PSMD11: variants seen among roughly 807,000 people sequenced by gnomAD.
PSMD11 encodes the protein 26S proteasome non-ATPase regulatory subunit 11.
Under a neutral mutation model 62.3 loss-of-function variants are expected in PSMD11, and 5 were observed. The observed-to-expected ratio is 0.08, with a 90% CI of 0.04 to 0.17. The LOEUF (loss-of-function observed/expected upper bound fraction) is 0.17. Ranked by LOEUF, PSMD11 falls within the 10% of genes least tolerant of loss-of-function variation. The pLI is 1.00. For missense variants in PSMD11, 310 were observed against 512.9 expected, an observed-to-expected ratio of 0.60 and a Z score of 3.82; for synonymous variants, 191 against 191.8, an observed-to-expected ratio of 1.00 and a Z score of 0.03.
intron 8 of PSMD11, among the ~76,000 whole-genome samples, chr17:32,475,852 A>G (rs997795914): frequency 6.6e-6 from 1 of 151,288 alleles, no homozygotes; most frequent in African/African-American, 2.4e-5. Flanking sequence ...CTCAACCTCC[A>G]AAAGTGCTGG....
intron 6 of PSMD11, among the ~76,000 whole-genome samples, 191 bp from the exon 7 acceptor site, chr17:32,473,609 CT>C (rs2150838530): frequency 6.7e-6 from 1 of 150,118 alleles, no homozygotes; most frequent in Admixed American, 6.6e-5. Flanking sequence ...GAGATGGGGT[CT>C]TACTATGTTA....
chr17:32,454,299 A>G (rs1012163124), intron 2 of PSMD11, among the ~76,000 whole-genome samples, 196 bp from the exon 3 acceptor site: 3 of 152,196 alleles, frequency 2.0e-5, no homozygotes, highest in Admixed American at 6.5e-5. Context: ...ACAGAATGCA[A>G]ATTTGGTATA....
chr17:32,448,363 T>G (rs981977555), intron 2 of PSMD11, among the ~76,000 whole-genome samples: 20 of 151,988 alleles, frequency 1.3e-4, no homozygotes, highest in African/African-American at 4.6e-4. Flanking sequence ...AACTTTTTTT[T>G]TTTTAATTAT....
chr17:32,476,302 C>G (rs1288817593), intron 8 of PSMD11, among the ~76,000 whole-genome samples: 1 of 152,116 alleles, frequency 6.6e-6, no homozygotes. Flanking sequence ...ACTACTCTCA[C>G]TATAACTAGA....
chr17:32,451,380 G>A (rs1452813273), intron 2 of PSMD11, among the ~76,000 whole-genome samples: 1 of 152,172 alleles, frequency 6.6e-6, no homozygotes, highest in Non-Finnish European at 1.5e-5. Flanking sequence ...AGAGCAGATA[G>A]TCTCTGTAAA....
intron 2 of PSMD11, among the ~76,000 whole-genome samples, chr17:32,447,885 C>CTT (rs755811348): frequency 4.3e-5 from 6 of 141,100 alleles, no homozygotes; most frequent in African/African-American, 1.3e-4. Context: ...TTTTCTTTTT[C>CTT]TTTTTTTTTT....
intron 3 of PSMD11, among the ~76,000 whole-genome samples, chr17:32,460,931 G>A (rs1271804124): frequency 6.6e-6 from 1 of 152,032 alleles, no homozygotes; most frequent in East Asian, 1.9e-4. Flanking sequence ...GCAAGGGCTG[G>A]GGAGTGGAAA....
intron 1 of PSMD11, among the ~76,000 whole-genome samples, chr17:32,446,202 A>G (rs759694493): frequency 1.8e-4 from 27 of 152,230 alleles, no homozygotes; most frequent in Non-Finnish European, 3.5e-4. Context: ...TTGTCAAGTC[A>G]TGATGCTTTG....
chr17:32,472,332 C>T (rs1908188074), intron 6 of PSMD11, among the ~76,000 whole-genome samples: 1 of 151,648 alleles, frequency 6.6e-6, no homozygotes, highest in African/African-American at 2.4e-5. Context: ...AAGTGATTCT[C>T]CTGCCTCAGC....
In PSMD11 at chr17:32,457,084, C is replaced by T. The variant is rs552924609; in HGVS notation, c.318+2465C>T. 2.6e-5 allele frequency among the ~76,000 whole-genome samples: 4 copies of T among 152,266 alleles called. No homozygotes were observed. The East Asian group carries it at 5.8e-4, about 22-fold the overall frequency. ...TCATATGGCTCCCTGACTGGTTAGG[C>T]GCTCCCTTAACTGTGGTTATATGTT... On this transcript the variant is annotated intron_variant, in intron 3 of 13. Coordinates refer to ENST00000261712, the MANE Select transcript of PSMD11 (RefSeq NM_002815.4).
chr17:32,479,234 A>C lies in PSMD11; in HGVS notation c.913-17A>C. On this transcript the variant is annotated splice_polypyrimidine_tract_variant and intron_variant, in intron 9 of 13. Coordinates refer to ENST00000261712, the MANE Select transcript of PSMD11 (RefSeq NM_002815.4). ...GTGATTCTCTGTGCCAATCTCTGCA[A>C]CTGGTTCCTTTGGCAGGCTCTGACA... The C allele has an allele frequency of 6.2e-7, 1 of 1,613,284 alleles. No individual in the cohort carries two copies. The highest frequency in any genetic ancestry group is 8.5e-7 in the Non-Finnish European group (1 of 1,179,528).
rs116022436 is a variant in PSMD11 at position 32,474,215 on chromosome 17, A to C, written c.788+270A>C. On this transcript the variant is annotated intron_variant, in intron 7 of 13. Transcript: ENST00000261712. Reference sequence around the variant, plus strand: ...CTCATCCTTTAAATATTCTGTCCTCATAGGTGCAGAGCACAGGACAGAGGG... The same window carrying C: ...CTCATCCTTTAAATATTCTGTCCTCCTAGGTGCAGAGCACAGGACAGAGGG... 559 of 501,356 alleles carry C rather than the reference A, an allele frequency of 1.1e-3. 4 individuals are homozygous for C. The highest frequency in any genetic ancestry group is 9.0e-3 in the African/African-American group (469 of 51,844). 31.1% of individuals were successfully genotyped at this position (501,356 alleles called of 1,614,324 possible). A position where few individuals can be genotyped will look rare whatever the true frequency, so the allele number is the denominator to read the frequency against.
At chr17:32,468,978 G>C in intron 5 of PSMD11, 21 bp from the exon 6 acceptor site, 1 of 1,608,268 alleles carries the variant, frequency 6.2e-7, no homozygotes, top group South Asian at 1.1e-5. Context: ...CTATAAAGGA[G>C]AATGTCTTTT....
At chr17:32,457,269 G>A (rs974021668) in intron 3 of PSMD11, among the ~76,000 whole-genome samples, 8 of 152,058 alleles carry the variant, frequency 5.3e-5, no homozygotes, top group Non-Finnish European at 1.2e-4. Context: ...AGACAGCCTT[G>A]CTCTGTTGCC....
At chr17:32,454,761 G>A (rs1362316522) in intron 3 of PSMD11, 142 bp downstream of exon 3, 1 of 880,630 alleles carries the variant, frequency 1.1e-6, no homozygotes. Flanking sequence ...GTTTCTCTTT[G>A]TTACAGGGCA....
chr17:32,477,669 T>C (rs1597843839), intron 9 of PSMD11, 86 bp downstream of exon 9: 6 of 1,279,708 alleles, frequency 4.7e-6, no homozygotes, highest in Admixed American at 2.1e-5. Context: ...AAAATAATTA[T>C]AGTTTCAAAA....
At chr17:32,452,352 G>A (rs1438947057) in intron 2 of PSMD11, among the ~76,000 whole-genome samples, 1 of 152,178 alleles carries the variant, frequency 6.6e-6, no homozygotes, top group Non-Finnish European at 1.5e-5. Context: ...TTTACAATGG[G>A]CTGAATAACT....
chr17:32,445,531 G>A (rs1237144469), intron 1 of PSMD11: 2 of 152,196 alleles, frequency 1.3e-5, no homozygotes, highest in Non-Finnish European at 2.9e-5. Context: ...CTTTCTGTTG[G>A]GATTCAAGTG....
intron 2 of PSMD11, among the ~76,000 whole-genome samples, chr17:32,450,540 T>G (rs1001488538): frequency 1.3e-4 from 20 of 151,778 alleles, no homozygotes; most frequent in Non-Finnish European, 2.8e-4. Flanking sequence ...GTGCTGGGAT[T>G]CCAGGTGTGA....
Sources: allele counts gnomAD v4.1 joint callset (sites outside exome capture counted in the v4.1 genomes callset), GRCh38; gene constraint gnomAD v4.1.1; transcripts MANE v1.5; gene names NCBI Gene and HGNC (gene_info 2026-07-23, HGNC 2026-07-21).